The following CCDC88C variants were observed in gnomAD, a reference collection of about 807,000 sequenced individuals.
CCDC88C encodes the protein coiled-coil and HOOK domain protein 88C.
Under a neutral mutation model 198.8 loss-of-function variants are expected in CCDC88C, and 131 were observed. The observed-to-expected ratio is 0.66, with a 90% CI of 0.57 to 0.76. The LOEUF (loss-of-function observed/expected upper bound fraction) is 0.76. Ranked by LOEUF, CCDC88C falls within the 30% of genes least tolerant of loss-of-function variation. The probability of loss-of-function intolerance (pLI) is 0.00; values close to 1 mark genes in which losing one functional copy is unlikely to be tolerated. For synonymous variants in CCDC88C, 1,166 were observed against 1,114.7 expected, an observed-to-expected ratio of 1.05 and a Z score of -0.92; for missense variants, 2,553 against 2,631.6, an observed-to-expected ratio of 0.97 and a Z score of 0.65.
intron 23 of CCDC88C, among the ~76,000 whole-genome samples, chr14:91,293,605 TCCTGTGGGCC>T (rs1890867223): frequency 6.8e-6 from 1 of 146,650 alleles, no homozygotes; most frequent in Non-Finnish European, 1.5e-5. Flanking sequence ...ATGGCCCACC[TCCTGTGGGCC>T]TCCCCCAGAC....
At position 91,399,854 on chromosome 14, in the gene CCDC88C, A is replaced by AAAAG. The variant is rs1555429797; in HGVS notation, c.270+8804_270+8805insCTTT. On this transcript the variant is annotated intron_variant, in intron 3 of 29. Coordinates refer to ENST00000389857, the MANE Select transcript of CCDC88C (RefSeq NM_001080414.4). ...ACTCCCTCTCAAAAAAAAAAAAAAA[A>AAAAG]AAGAAGAAGAAGAAGAAGTAGTTGA... Among the ~76,000 whole-genome samples, 340 of 141,300 alleles carry AAAAG rather than the reference A, an allele frequency of 2.4e-3. 6 individuals carry two copies. In the South Asian group the frequency reaches 0.039, roughly 16 times the overall value. The allele number at this position is 141,300 out of a possible 152,430, so 92.7% of individuals were successfully genotyped here. A position where few individuals can be genotyped will look rare whatever the true frequency, so the allele number is the denominator to read the frequency against.
intron 15 of CCDC88C, among the ~76,000 whole-genome samples, chr14:91,312,152 C>T (rs147782846): frequency 8.1e-4 from 122 of 151,400 alleles, no homozygotes; most frequent in Non-Finnish European, 1.5e-3. Context: ...ACTTTGGGAG[C>T]CTGAGGCAGA....
chr14:91,293,499 C>CCCACCACAG (rs1463116896), intron 23 of CCDC88C, among the ~76,000 whole-genome samples: 1 of 144,420 alleles, frequency 6.9e-6, no homozygotes, highest in African/African-American at 2.6e-5. Context: ...CCCATCCTCA[C>CCCACCACAG]CTGCCACGGC....
At position 91,308,480 on chromosome 14, in the gene CCDC88C, A is replaced by C; in HGVS notation, c.2877T>G (p.Ile959Met). The C allele has an allele frequency of 6.2e-7, 1 of 1,613,738 alleles. No homozygotes were observed. Among genetic ancestry groups the C allele is most frequent in the Non-Finnish European group, 8.5e-7 (1 of 1,179,830 alleles). Residue 959 changes from isoleucine to methionine, a missense_variant, in exon 17 of 30, where the codon ATT (isoleucine) becomes ATG (methionine). Coordinates refer to ENST00000389857, the MANE Select transcript of CCDC88C (RefSeq NM_001080414.4). ...DDSGSDTKYK[I>M]LEGRNESALK... ...ATGCTGATTCATTTCTGCCCTCCAA[A>C]ATCTTGTATTTTCTGGAAAACACAA...
At chr14:91,417,592 G>C in intron 1 of CCDC88C, 39 bp downstream of exon 1, 3 of 1,559,482 alleles carry the variant, frequency 1.9e-6, no homozygotes, top group Non-Finnish European at 2.6e-6. Flanking sequence ...GAGAGAAGCC[G>C]GTGCACCAAC....
intron 20 of CCDC88C, among the ~76,000 whole-genome samples, chr14:91,302,293 G>A (rs1398425511): frequency 6.6e-6 from 1 of 152,190 alleles, no homozygotes; most frequent in African/African-American, 2.4e-5. Flanking sequence ...ACCATCAGCA[G>A]GGCCATTTCC....
rs755921000 is a variant in CCDC88C, at chr14:91,281,507, T to C, written c.4649A>G (p.Asn1550Ser). Residue 1550 changes from asparagine to serine, a missense_variant, in exon 27 of 30, where the codon AAC (asparagine) becomes AGC (serine). Transcript: ENST00000389857. ...GRTKGYNSDD[N>S]LCEPSLEFEV... is the part of the protein sequence containing the mutation. ...AAACTCCAGGGATGGCTCACAGAGG[T>C]TGTCATCTGAGTTATAGCCTAAGGT... is the stretch of plus-strand genomic sequence containing the variant. The C allele has an allele frequency of 1.2e-5, 19 of 1,613,646 alleles. No individual in the cohort carries two copies. The highest frequency in any genetic ancestry group is 1.0e-4 in the Admixed American group (6 of 59,998).
chr14:91,288,887 A>G lies in CCDC88C; in HGVS notation c.4441+218T>C, dbSNP rs1890533937. 2.1e-6 allele frequency: 1 copy of G among 474,550 alleles called. No homozygotes were observed. The highest frequency in any genetic ancestry group is 3.7e-6 in the Non-Finnish European group (1 of 270,480). 29.4% of individuals were successfully genotyped at this position (474,550 alleles called of 1,614,324 possible). On this transcript the variant is annotated intron_variant, in intron 25 of 29. Coordinates refer to ENST00000389857, the MANE Select transcript of CCDC88C (RefSeq NM_001080414.4). This position sits in a 1 kb window ranked among gnomAD's most constrained non-coding sequence, Gnocchi z 4.2. ...ACAAGAGTGAAACTCCATCTCAAAAAAATTAAAATAAAATATAAAATAAAG... is the reference window on the plus strand; with the variant it reads ...ACAAGAGTGAAACTCCATCTCAAAAGAATTAAAATAAAATATAAAATAAAG...
At chr14:91,295,089 G>A (rs1256867318) in intron 22 of CCDC88C, among the ~76,000 whole-genome samples, 2 of 152,214 alleles carry the variant, frequency 1.3e-5, no homozygotes, top group African/African-American at 4.8e-5. Context: ...GAGTAACATA[G>A]AGGAGAACAC....
intron 20 of CCDC88C, among the ~76,000 whole-genome samples, chr14:91,301,041 A>G (rs1017664612): frequency 6.6e-6 from 1 of 152,194 alleles, no homozygotes; most frequent in Non-Finnish European, 1.5e-5. Flanking sequence ...ACCTTGTTGG[A>G]AAAGCACATT....
intron 21 of CCDC88C, among the ~76,000 whole-genome samples, chr14:91,297,938 C>T (rs1360865321): frequency 6.6e-6 from 1 of 152,224 alleles, no homozygotes; most frequent in Non-Finnish European, 1.5e-5. Flanking sequence ...CAATTCCAAG[C>T]CCCTTTCTAA....
At position 91,277,094 on chromosome 14, in the gene CCDC88C, C is replaced by T. The variant is rs1029014602; in HGVS notation, c.5058+828G>A. Among the ~76,000 whole-genome samples, 37 of 152,230 alleles carry T rather than the reference C, an allele frequency of 2.4e-4. 1 individual carries two copies. Among genetic ancestry groups the T allele is most frequent in the African/African-American group, 7.9e-4 (33 of 41,548 alleles). Reference sequence around the variant, plus strand: ...AAATGATTCTCCTGCCTCAGCCTCCCGAGTAGTTGGGGTTAAAGGCACCTG... The same window carrying T: ...AAATGATTCTCCTGCCTCAGCCTCCTGAGTAGTTGGGGTTAAAGGCACCTG... On this transcript the variant is annotated intron_variant, in intron 29 of 29. Transcript: ENST00000389857.
In CCDC88C at chr14:91,303,913, G is replaced by A. The variant is rs543071877; in HGVS notation, c.3423C>T (p.Asn1141=). 1 of 1,612,434 alleles carries A rather than the reference G, an allele frequency of 6.2e-7. No individual in the cohort carries two copies. The highest frequency in any genetic ancestry group is 2.2e-5 in the East Asian group (1 of 44,882). The part of the protein sequence containing the change: ...ALTAQYTLLQ[N]HHTAKETENE... ...TCTCCGTCTCCTTGGCCGTGTGGTG[G>A]TTCTGCAGCAGCGTGTACTGCGCGG... is the stretch of plus-strand genomic sequence containing the variant. Residue 1141 remains asparagine (N), a synonymous_variant, in exon 20 of 30, where the codon AAC becomes AAT. Coordinates refer to ENST00000389857, the MANE Select transcript of CCDC88C (RefSeq NM_001080414.4).
At position 91,273,679 on chromosome 14, in the gene CCDC88C, A is replaced by C. The variant is rs750663602; in HGVS notation, c.5059-26T>G. 1.1e-5 allele frequency: 16 copies of C among 1,437,642 alleles called. No homozygotes were observed. The highest frequency in any genetic ancestry group is 1.5e-5 in the Non-Finnish European group (16 of 1,092,040). 89.1% of individuals were successfully genotyped at this position (1,437,642 alleles called of 1,614,324 possible). A position where few individuals can be genotyped will look rare whatever the true frequency, so the allele number is the denominator to read the frequency against. On this transcript the variant is annotated intron_variant, in intron 29 of 29. Transcript: ENST00000389857. The surrounding 1 kb of genome is among the most constrained non-coding windows in gnomAD (Gnocchi z 5.6). ...CTACGGAGAAGAGAGTGAAGGTTGG[A>C]GGTGGGCATGAGGGTTGGGTGGGTC...
chr14:91,339,876 G>A lies in CCDC88C; in HGVS notation c.624+8C>T, dbSNP rs747552824. 13 of 1,576,750 alleles carry A rather than the reference G, an allele frequency of 8.2e-6. No homozygotes were observed. Among genetic ancestry groups the A allele is most frequent in the East Asian group, 2.4e-5 (1 of 42,536 alleles). ...CAGGCTGACCGGGCCACCGACCCGC[G>A]GACGCACCTCGGTGCACTCGTCCCG... On this transcript the variant is annotated splice_region_variant and intron_variant, in intron 7 of 29. Transcript: ENST00000389857. The surrounding 1 kb of genome is among the most constrained non-coding windows in gnomAD (Gnocchi z 5.8).
Position 91,288,137 on chromosome 14 carries a change from A to G in CCDC88C, c.4441+968T>C, listed in dbSNP as rs1213290634. 6.6e-6 allele frequency among the ~76,000 whole-genome samples: 1 copy of G among 152,242 alleles called. No individual in the cohort carries two copies. Among genetic ancestry groups the G allele is most frequent in the Non-Finnish European group, 1.5e-5 (1 of 68,040 alleles). On this transcript the variant is annotated intron_variant, in intron 25 of 29. Coordinates refer to ENST00000389857, the MANE Select transcript of CCDC88C (RefSeq NM_001080414.4). This position sits in a 1 kb window ranked among gnomAD's most constrained non-coding sequence, Gnocchi z 4.2. ...AGAAAAGCTCTTTCAACAAGAGCGT[A>G]AGAAAAATTCGAAGTGGTGGCCCTG... is the stretch of plus-strand genomic sequence containing the variant.
chr14:91,342,162 TA>T (rs959183569), intron 6 of CCDC88C: 2 of 404,250 alleles, frequency 4.9e-6, no homozygotes, highest in Non-Finnish European at 8.8e-6. Context: ...TTTTTTTTTT[TA>T]ATTTTTATTT....
chr14:91,292,429 C>T (rs886162756), intron 23 of CCDC88C, among the ~76,000 whole-genome samples: 4 of 152,172 alleles, frequency 2.6e-5, no homozygotes, highest in South Asian at 2.1e-4. Flanking sequence ...CCTCTGCTGG[C>T]GATATTTTAT....
rs1216759032 is a variant in CCDC88C, at chr14:91,272,248, G to A, written c.*377C>T. ...TGAGCCTCGTAAGCCTGTTGTGTGA[G>A]TGTGTGTGTGCTTAACGGAGCTCAA... On this transcript the variant is annotated 3_prime_UTR_variant, in exon 30 of 30. Transcript: ENST00000389857. 1.5e-5 allele frequency: 3 copies of A among 194,100 alleles called. No individual in the cohort carries two copies. In the Admixed American group the frequency reaches 1.7e-4, roughly 11 times the overall value. The allele number at this position is 194,100 out of a possible 1,614,324, so 12.0% of individuals were successfully genotyped here. A position where few individuals can be genotyped will look rare whatever the true frequency, so the allele number is the denominator to read the frequency against.
Sources: gnomAD v4.1 joint callset for allele counts (sites outside exome capture counted in the v4.1 genomes callset) on GRCh38, gnomAD v4.1.1 for gene constraint, Gnocchi (gnomAD v3.1) non-coding constraint, MANE v1.5 for transcripts, NCBI Gene and HGNC (gene_info 2026-07-23, HGNC 2026-07-21) for gene names.